The following TUBGCP3 variants were observed in gnomAD, a reference collection of about 807,000 sequenced individuals.
TUBGCP3 encodes gamma-tubulin complex component 3.
TUBGCP3 carries 50 observed loss-of-function variants against 123.1 expected under a neutral mutation model. That is an observed-to-expected ratio of 0.41 (90% CI 0.32 to 0.51). TUBGCP3 has a LOEUF of 0.51. Ranked by LOEUF, TUBGCP3 falls within the 20% of genes least tolerant of loss-of-function variation. TUBGCP3 has a pLI of 0.36. For synonymous variants in TUBGCP3, 405 were observed against 413.9 expected (o/e 0.98, Z 0.26); for missense variants, 882 against 1,127.0 (o/e 0.78, Z 3.11).
At chr13:112,504,832 T>C (rs2139004315) in intron 17 of TUBGCP3, 118 bp from the exon 18 acceptor site, 3 of 821,430 alleles carry the variant, frequency 3.7e-6, no homozygotes, top group Non-Finnish European at 6.0e-6. Flanking sequence ...TTTAAATTCT[T>C]GACCCCTTAA....
chr13:112,600,821 G>A, the TUBGCP3 span, among the ~76,000 whole-genome samples: 16 of 152,024 alleles, frequency 1.1e-4, no homozygotes, highest in Middle Eastern at 3.2e-3. Flanking sequence ...CTATAGTTAC[G>A]GTTTTTGAGG....
Position 112,545,821 on chromosome 13 carries a change from T to C in TUBGCP3, c.1213A>G (p.Lys405Glu). ...GACCGCATGTACGGGTCTCCTGTTTTTGTGTAGGCGTGGACAGCTGAGGCC... is the reference window on the plus strand; with the variant it reads ...GACCGCATGTACGGGTCTCCTGTTTCTGTGTAGGCGTGGACAGCTGAGGCC... ...ELASAVHAYT[K>E]TGDPYMRSLV... Residue 405 changes from lysine (K) to glutamate (E), a missense_variant, in exon 11 of 22, where the codon AAA becomes GAA. Physicochemically the swap from Lys to Glu is moderately conservative, Grantham distance 56. Coordinates refer to ENST00000261965, the MANE Select transcript of TUBGCP3 (RefSeq NM_006322.6). The surrounding 1 kb of genome is among the most constrained non-coding windows in gnomAD (Gnocchi z 4.1). 6.2e-7 allele frequency: 1 copy of C among 1,614,188 alleles called. No individual in the cohort carries two copies.
rs1880020701 is a variant in TUBGCP3, at chr13:112,556,162, G to A, written c.611C>T (p.Ala204Val). 6.2e-7 allele frequency: 1 copy of A among 1,614,032 alleles called. No homozygotes were observed. Among genetic ancestry groups the A allele is most frequent in the African/African-American group, 1.3e-5 (1 of 74,914 alleles). Reference sequence around the variant, plus strand: ...AGGCTGATTTGCAGTTAAAGTCCATGCGAGTCGTGACCCCAACTGCTGTCG... The same window carrying A: ...AGGCTGATTTGCAGTTAAAGTCCATACGAGTCGTGACCCCAACTGCTGTCG... ...CLRQQLGSRL[A>V]WTLTANQPSS... The change falls in exon 6 of 22, where the codon GCA becomes GTA. Residue 204 changes from alanine (A) to valine (V), a missense_variant. Coordinates refer to ENST00000261965, the MANE Select transcript of TUBGCP3 (RefSeq NM_006322.6).
intron 5 of TUBGCP3, 84 bp downstream of exon 5, chr13:112,558,112 G>A: frequency 7.0e-7 from 1 of 1,438,046 alleles, no homozygotes; most frequent in Non-Finnish European, 9.3e-7. Flanking sequence ...GATACTGTGG[G>A]TGAACATCAA....
intron 11 of TUBGCP3, among the ~76,000 whole-genome samples, chr13:112,533,117 C>T (rs1360301604): frequency 5.9e-5 from 9 of 152,208 alleles, no homozygotes; most frequent in East Asian, 1.9e-4. Flanking sequence ...AGCCTTCACA[C>T]GTGGAATGAG....
intron 11 of TUBGCP3, among the ~76,000 whole-genome samples, chr13:112,529,268 C>T (rs1280104570): frequency 2.0e-5 from 3 of 152,136 alleles, no homozygotes; most frequent in East Asian, 1.9e-4. Context: ...CTGGCCGAGC[C>T]GGCCCCATTT....
chr13:112,604,706 T>C, the TUBGCP3 span: 1 of 152,228 alleles, frequency 6.6e-6, no homozygotes. Flanking sequence ...AGGATAAAAG[T>C]CAGGAGACAG....
intron 11 of TUBGCP3, among the ~76,000 whole-genome samples, chr13:112,530,373 A>G (rs1877476292): frequency 6.6e-6 from 1 of 152,380 alleles, no homozygotes; most frequent in Non-Finnish European, 1.5e-5. Flanking sequence ...GTTCTTAACT[A>G]CCACAGCCCT....
In TUBGCP3 at chr13:112,499,031, T is replaced by C; in HGVS notation, c.2448+14A>G. On this transcript the variant is annotated intron_variant, in intron 20 of 21. Coordinates refer to ENST00000261965, the MANE Select transcript of TUBGCP3 (RefSeq NM_006322.6). The stretch of plus-strand genomic sequence containing the variant: ...TTATTCAAATAGATAAATTCACAAG[T>C]GTAAAGACCATACCTCAATTTCACG... 6.2e-7 allele frequency: 1 copy of C among 1,614,222 alleles called. No homozygotes were observed. Among genetic ancestry groups the C allele is most frequent in the East Asian group, 2.2e-5 (1 of 44,888 alleles).
At chr13:112,491,473 C>T (rs1464279374) in intron 20 of TUBGCP3, among the ~76,000 whole-genome samples, 8 of 152,182 alleles carry the variant, frequency 5.3e-5, no homozygotes, top group Non-Finnish European at 4.4e-5. Flanking sequence ...CCTGCACCTC[C>T]CATCACTCCA....
intron 16 of TUBGCP3, among the ~76,000 whole-genome samples, chr13:112,518,080 GA>G (rs770305086): frequency 2.6e-5 from 4 of 152,180 alleles, no homozygotes; most frequent in Non-Finnish European, 4.4e-5. Context: ...TACACACCAG[GA>G]ATTTATGTGT....
chr13:112,552,126 G>A (rs985153842), intron 8 of TUBGCP3, among the ~76,000 whole-genome samples: 3 of 152,146 alleles, frequency 2.0e-5, no homozygotes, highest in East Asian at 1.9e-4. Context: ...AACCAGTACC[G>A]GTCCACAGTC....
At chr13:112,513,831 G>C (rs146649443) in intron 17 of TUBGCP3, among the ~76,000 whole-genome samples, 49 of 152,326 alleles carry the variant, frequency 3.2e-4, no homozygotes, top group African/African-American at 1.0e-3. Flanking sequence ...TCTTTATGCT[G>C]TTTGTCACCT....
intron 13 of TUBGCP3, among the ~76,000 whole-genome samples, 169 bp from the exon 14 acceptor site, chr13:112,522,678 C>T (rs1437793273): frequency 6.6e-6 from 1 of 152,136 alleles, no homozygotes; most frequent in Non-Finnish European, 1.5e-5. Context: ...AGACCAGAGC[C>T]CTAAGACCAC....
chr13:112,598,815 A>G, the TUBGCP3 span, among the ~76,000 whole-genome samples: 1 of 152,030 alleles, frequency 6.6e-6, no homozygotes, highest in South Asian at 2.1e-4. Context: ...ATCGTGGCGC[A>G]CGCCTGTATA....
intron 8 of TUBGCP3, among the ~76,000 whole-genome samples, chr13:112,549,221 A>G (rs934371223): frequency 3.9e-5 from 6 of 152,262 alleles, no homozygotes; most frequent in African/African-American, 1.4e-4. Context: ...CATTCTGAGC[A>G]AACTATCAGA....
chr13:112,536,893 T>C (rs1878100123), intron 11 of TUBGCP3, among the ~76,000 whole-genome samples: 1 of 152,018 alleles, frequency 6.6e-6, no homozygotes, highest in Admixed American at 6.5e-5. Flanking sequence ...GACCTCAGCC[T>C]CCCAAGAAGC....
chr13:112,566,782 TTTCTCTATTAAATTGA>T (rs1403990416), intron 2 of TUBGCP3, among the ~76,000 whole-genome samples: 1 of 152,234 alleles, frequency 6.6e-6, no homozygotes, highest in African/African-American at 2.4e-5. Flanking sequence ...ATAAGTGATG[TTTCTCTATTAAATTGA>T]TTCTCTATTA....
intron 17 of TUBGCP3, among the ~76,000 whole-genome samples, chr13:112,512,519 A>AG (rs1251880526): frequency 2.0e-5 from 3 of 151,534 alleles, no homozygotes; most frequent in Admixed American, 6.6e-5. Context: ...AGATCACCTT[A>AG]GGCCAGGAGC....
Sources: gnomAD v4.1 joint callset for allele counts (sites outside exome capture counted in the v4.1 genomes callset) on GRCh38, gnomAD v4.1.1 for gene constraint, Gnocchi (gnomAD v3.1) non-coding constraint, MANE v1.5 for transcripts, NCBI Gene and HGNC (gene_info 2026-07-23, HGNC 2026-07-21) for gene names.